Variants in TENM2 observed in about 807,000 individuals in gnomAD.
The protein encoded by TENM2 is teneurin transmembrane protein 2.
Under a neutral mutation model 245.2 loss-of-function variants are expected in TENM2, and 52 were observed. The observed-to-expected ratio is 0.21, with a 90% CI of 0.17 to 0.27. The LOEUF is 0.27. Among genes scored for constraint, TENM2 ranks in the 10% least tolerant of loss-of-function variants. TENM2 has a pLI of 1.00. For synonymous variants in TENM2, 1,363 were observed against 1,438.9 expected, an observed-to-expected ratio of 0.95 and a Z score of 1.19; for missense variants, 3,046 against 3,666.8, an observed-to-expected ratio of 0.83 and a Z score of 4.37.
chr5:167,078,212 A>C, the TENM2 span, among the ~76,000 whole-genome samples: 1 of 152,168 alleles, frequency 6.6e-6, no homozygotes, highest in Non-Finnish European at 1.5e-5. Flanking sequence ...GGCCGGGTGC[A>C]GTGGCTCATG....
the TENM2 span, among the ~76,000 whole-genome samples, chr5:167,174,122 T>C: frequency 6.6e-6 from 1 of 151,764 alleles, no homozygotes; most frequent in Non-Finnish European, 1.5e-5. Context: ...TTTTTTTTTT[T>C]CCTTGTTCCT....
chr5:167,589,878 A>G (rs12653376), intron 2 of TENM2, among the ~76,000 whole-genome samples: 4,521 of 151,386 alleles, frequency 0.03, 184 homozygotes, highest in African/African-American at 0.09. Flanking sequence ...AACTATAATA[A>G]TATATTTATT....
intron 3 of TENM2, among the ~76,000 whole-genome samples, chr5:167,905,691 G>A (rs1776038210): frequency 6.6e-6 from 1 of 152,156 alleles, no homozygotes; most frequent in South Asian, 2.1e-4. Flanking sequence ...GACAAAAGTG[G>A]AGAAAATGAC....
chr5:167,581,013 A>C (rs1775057003), intron 2 of TENM2, among the ~76,000 whole-genome samples: 1 of 152,202 alleles, frequency 6.6e-6, no homozygotes, highest in Admixed American at 6.5e-5. Flanking sequence ...ACGGGAACCA[A>C]AAAAGAAAAC....
chr5:167,009,759 A>G, the TENM2 span, among the ~76,000 whole-genome samples: 1 of 152,172 alleles, frequency 6.6e-6, no homozygotes, highest in African/African-American at 2.4e-5. Flanking sequence ...ATTAAAGCTT[A>G]AATCTAGTTC....
chr5:168,000,786 T>C (rs1784366634), intron 5 of TENM2, among the ~76,000 whole-genome samples: 1 of 152,202 alleles, frequency 6.6e-6, no homozygotes, highest in Non-Finnish European at 1.5e-5. Flanking sequence ...GGCCCTGTAA[T>C]ACAACACCAA....
At chr5:168,168,559 C>T (rs1169444000) in intron 13 of TENM2, among the ~76,000 whole-genome samples, 2 of 152,110 alleles carry the variant, frequency 1.3e-5, no homozygotes, top group East Asian at 3.9e-4. Flanking sequence ...TGGCATGCGC[C>T]TGTAGTTCCA....
chr5:167,773,885 T>C (rs1449141883), intron 2 of TENM2, among the ~76,000 whole-genome samples: 1 of 152,150 alleles, frequency 6.6e-6, no homozygotes, highest in East Asian at 1.9e-4. Context: ...CAAAAGGTCA[T>C]GTCGCTTGTT....
At chr5:168,165,969 C>T (rs1758260342) in intron 13 of TENM2, 1 of 151,996 alleles carries the variant, frequency 6.6e-6, no homozygotes, top group African/African-American at 2.4e-5. Context: ...GTAGAGTATC[C>T]TTTTTATGGT....
At chr5:167,248,174 G>T in the TENM2 span, among the ~76,000 whole-genome samples, 1 of 152,152 alleles carries the variant, frequency 6.6e-6, no homozygotes, top group South Asian at 2.1e-4. Context: ...AAATTTGACG[G>T]ATTTTTGCTG....
the TENM2 span, among the ~76,000 whole-genome samples, chr5:167,096,384 T>A: frequency 1.2e-4 from 19 of 152,330 alleles, no homozygotes; most frequent in South Asian, 1.7e-3. Flanking sequence ...TTAAATTTTC[T>A]TTGACTTCTC....
At chr5:167,325,154 G>T (rs1163726054) in intron 1 of TENM2, among the ~76,000 whole-genome samples, 1 of 152,106 alleles carries the variant, frequency 6.6e-6, no homozygotes, top group African/African-American at 2.4e-5. Flanking sequence ...CCAATAAAAT[G>T]AAATAATGCA....
chr5:168,068,059 G>C (rs1300000442), intron 7 of TENM2, among the ~76,000 whole-genome samples: 1 of 152,128 alleles, frequency 6.6e-6, no homozygotes, highest in Non-Finnish European at 1.5e-5. Flanking sequence ...TTTCTGGACA[G>C]ACCCCTTCTG....
At chr5:167,946,772 C>A (rs576774006) in intron 3 of TENM2, among the ~76,000 whole-genome samples, 1 of 152,260 alleles carries the variant, frequency 6.6e-6, no homozygotes, top group South Asian at 2.1e-4. Flanking sequence ...CTGAACCTCA[C>A]TTACTGGATC....
In TENM2 at chr5:167,777,849, A is replaced by G. The variant is rs540933529; in HGVS notation, c.503-98137A>G. The stretch of plus-strand genomic sequence containing the variant: ...CAGAAAAAAAAATGCAAGTAAGTAA[A>G]TTATTAAGTAACAGCATGTGTGTGC... On this transcript the variant is annotated intron_variant, in intron 2 of 28. Transcript: ENST00000518659. Among the ~76,000 whole-genome samples, 40 of 152,342 alleles carry G rather than the reference A, an allele frequency of 2.6e-4. No individual in the cohort carries two copies. In the East Asian group the frequency reaches 3.7e-3, roughly 14 times the overall value.
intron 13 of TENM2, among the ~76,000 whole-genome samples, chr5:168,175,957 G>A (rs984904686): frequency 2.0e-5 from 3 of 152,182 alleles, no homozygotes; most frequent in Non-Finnish European, 2.9e-5. Context: ...CTAGCACACC[G>A]TCTGCCAGGG....
chr5:168,178,011 C>G (rs1388304135), intron 13 of TENM2, among the ~76,000 whole-genome samples: 1 of 152,224 alleles, frequency 6.6e-6, no homozygotes, highest in African/African-American at 2.4e-5. Context: ...GGGCCCTTCT[C>G]CCAGCTGGCA....
intron 1 of TENM2, among the ~76,000 whole-genome samples, chr5:167,289,074 A>G (rs1034134313): frequency 2.6e-5 from 4 of 152,084 alleles, no homozygotes; most frequent in Non-Finnish European, 4.4e-5. Flanking sequence ...CCATCTCACA[A>G]TCATTCCTGA....
intron 13 of TENM2, among the ~76,000 whole-genome samples, chr5:168,188,206 A>G (rs1760643041): frequency 1.3e-5 from 2 of 152,228 alleles, no homozygotes; most frequent in Non-Finnish European, 2.9e-5. Context: ...ATGCCAAAAA[A>G]TTACACTGTA....
Sources: gnomAD v4.1 joint callset for allele counts (sites outside exome capture counted in the v4.1 genomes callset) on GRCh38, gnomAD v4.1.1 for gene constraint, MANE v1.5 for transcripts, NCBI Gene and HGNC (gene_info 2026-07-23, HGNC 2026-07-21) for gene names.